Variants in CNTNAP2 observed in about 807,000 individuals in gnomAD.
The protein encoded by CNTNAP2 is contactin-associated protein-like 2.
In CNTNAP2, 98 loss-of-function variants were observed where a neutral mutation model predicts 155.2. The observed-to-expected ratio is 0.63, with a 90% CI of 0.54 to 0.75. The LOEUF (loss-of-function observed/expected upper bound fraction) is 0.75. Ranked by LOEUF, CNTNAP2 falls within the 30% of genes least tolerant of loss-of-function variation. The pLI is 0.00. For synonymous variants in CNTNAP2, 651 were observed against 631.2 expected, an observed-to-expected ratio of 1.03 and a Z score of -0.47; for missense variants, 1,727 against 1,688.1, an observed-to-expected ratio of 1.02 and a Z score of -0.40.
chr7:146,251,485 A>G (rs1469092075), intron 1 of CNTNAP2, among the ~76,000 whole-genome samples: 2 of 152,208 alleles, frequency 1.3e-5, no homozygotes, highest in African/African-American at 4.8e-5. Context: ...AATAGTTAAG[A>G]ATGAAGAATT....
At chr7:148,050,313 G>A (rs1802864760) in intron 15 of CNTNAP2, among the ~76,000 whole-genome samples, 1 of 152,198 alleles carries the variant, frequency 6.6e-6, no homozygotes. Flanking sequence ...GTGGAAGACA[G>A]TGATATTGAT....
At chr7:147,218,569 T>G (rs1312850232) in intron 8 of CNTNAP2, among the ~76,000 whole-genome samples, 1 of 35,520 alleles carries the variant, frequency 2.8e-5, no homozygotes, top group South Asian at 5.3e-4. Context: ...TTTTTTTCTG[T>G]TTTTTTTTTC....
intron 14 of CNTNAP2, among the ~76,000 whole-genome samples, chr7:147,977,500 A>T (rs1227222106): frequency 6.6e-6 from 1 of 152,208 alleles, no homozygotes; most frequent in African/African-American, 2.4e-5. Context: ...TCAAGCGACC[A>T]GGTTGACTTT....
intron 10 of CNTNAP2, among the ~76,000 whole-genome samples, chr7:147,446,316 TA>T (rs1797739518): frequency 6.6e-6 from 1 of 152,130 alleles, no homozygotes. Context: ...TTGCTTATGT[TA>T]AGGTTTCCTG....
At chr7:148,112,530 C>T (rs914453015) in intron 15 of CNTNAP2, among the ~76,000 whole-genome samples, 2 of 151,932 alleles carry the variant, frequency 1.3e-5, no homozygotes, top group Non-Finnish European at 2.9e-5. Context: ...AAGGGATCCT[C>T]CTGCTTCAGC....
intron 3 of CNTNAP2, among the ~76,000 whole-genome samples, chr7:146,861,154 G>T (rs904667859): frequency 2.0e-5 from 3 of 151,894 alleles, no homozygotes; most frequent in Admixed American, 6.6e-5. Context: ...TCCGCCTCCC[G>T]GGTTCAAGCG....
At chr7:148,398,576 A>AG (rs1426381131) in intron 22 of CNTNAP2, among the ~76,000 whole-genome samples, 1 of 152,228 alleles carries the variant, frequency 6.6e-6, no homozygotes, top group Non-Finnish European at 1.5e-5. Context: ...ATTTCCACAG[A>AG]GGGAGAGTAA....
intron 13 of CNTNAP2, among the ~76,000 whole-genome samples, chr7:147,884,718 G>T (rs527280288): frequency 1.3e-5 from 2 of 152,244 alleles, no homozygotes; most frequent in East Asian, 3.9e-4. Context: ...TGAAAAATCT[G>T]CCACTTATTA....
chr7:147,824,406 T>C (rs1798413159), intron 13 of CNTNAP2, among the ~76,000 whole-genome samples: 1 of 152,084 alleles, frequency 6.6e-6, no homozygotes, highest in African/African-American at 2.4e-5. Context: ...AAGTCCACGG[T>C]AGAGTTGTGT....
chr7:146,446,246 A>G (rs1390015491), intron 1 of CNTNAP2, among the ~76,000 whole-genome samples: 2 of 152,158 alleles, frequency 1.3e-5, no homozygotes, highest in Non-Finnish European at 2.9e-5. Context: ...AAGCAAATAT[A>G]GTGAAAACTA....
chr7:148,237,988 A>G (rs923284829), intron 20 of CNTNAP2, among the ~76,000 whole-genome samples: 2 of 152,334 alleles, frequency 1.3e-5, no homozygotes, highest in Middle Eastern at 3.4e-3. Flanking sequence ...CCACATTGCC[A>G]TTCTCAGCCT....
At chr7:148,325,050 C>T (rs950865419) in intron 21 of CNTNAP2, among the ~76,000 whole-genome samples, 3 of 152,196 alleles carry the variant, frequency 2.0e-5, no homozygotes, top group African/African-American at 4.8e-5. Context: ...CCTCGGTTTA[C>T]AGAATCAGCT....
intron 12 of CNTNAP2, among the ~76,000 whole-genome samples, chr7:147,628,627 C>A (rs1423072995): frequency 1.3e-5 from 2 of 152,104 alleles, no homozygotes; most frequent in Non-Finnish European, 2.9e-5. Context: ...TCACATCTCA[C>A]TGCTAATGTT....
intron 1 of CNTNAP2, among the ~76,000 whole-genome samples, chr7:146,252,506 AC>A (rs1799771362): frequency 6.6e-6 from 1 of 152,152 alleles, no homozygotes; most frequent in Non-Finnish European, 1.5e-5. Context: ...TTTCGGAAAT[AC>A]CTGTAGTGTC....
intron 21 of CNTNAP2, among the ~76,000 whole-genome samples, chr7:148,371,095 T>C (rs777844342): frequency 1.6e-4 from 25 of 152,200 alleles, no homozygotes; most frequent in Non-Finnish European, 2.9e-4. Context: ...TAAATTGGAA[T>C]ATAGACTCCA....
intron 1 of CNTNAP2, among the ~76,000 whole-genome samples, chr7:146,240,422 CT>C (rs1181854475): frequency 1.3e-5 from 2 of 151,768 alleles, no homozygotes; most frequent in African/African-American, 4.8e-5. Flanking sequence ...TTTATTGAGT[CT>C]TTTTTCAGAG....
chr7:146,976,969 G>A (rs562455589), intron 3 of CNTNAP2, among the ~76,000 whole-genome samples: 95 of 152,182 alleles, frequency 6.2e-4, no homozygotes, highest in Non-Finnish European at 1.1e-3. Flanking sequence ...ACAGAAAGGC[G>A]GAGGAAGATT....
intron 1 of CNTNAP2, among the ~76,000 whole-genome samples, chr7:146,410,352 G>A (rs1287459235): frequency 6.6e-6 from 1 of 152,072 alleles, no homozygotes; most frequent in Non-Finnish European, 1.5e-5. Context: ...TGGCCACAAA[G>A]TTTAAAATAT....
chr7:147,501,800 C>T (rs1215076307), intron 11 of CNTNAP2, among the ~76,000 whole-genome samples: 2 of 152,042 alleles, frequency 1.3e-5, no homozygotes, highest in Admixed American at 1.3e-4. Flanking sequence ...ATGGTAAATC[C>T]AGGAGCATCT....
Sources: gnomAD v4.1 joint callset for allele counts (sites outside exome capture counted in the v4.1 genomes callset) on GRCh38, gnomAD v4.1.1 for gene constraint, MANE v1.5 for transcripts, NCBI Gene and HGNC (gene_info 2026-07-23, HGNC 2026-07-21) for gene names.